Variants in PFN1 observed in about 807,000 individuals in gnomAD.
PFN1 encodes the protein profilin-1.
Under a neutral mutation model 11.7 loss-of-function variants are expected in PFN1, and 2 were observed. That is an observed-to-expected ratio of 0.17 (90% confidence interval 0.07 to 0.54). PFN1 has a LOEUF of 0.54. Ranked by LOEUF, PFN1 falls within the 20% of genes least tolerant of loss-of-function variation. PFN1 has a pLI of 0.94. For synonymous variants in PFN1, 78 were observed against 76.2 expected (o/e 1.02, Z -0.12); for missense variants, 97 against 188.4 (o/e 0.51, Z 2.84).
rs1287919414 is a variant in PFN1 at position 4,948,520 on chromosome 17, C to G, written c.-126G>C. 1 of 1,100,064 alleles carries G rather than the reference C, an allele frequency of 9.1e-7. No individual in the cohort carries two copies. Among genetic ancestry groups the G allele is most frequent in the African/African-American group, 1.7e-5 (1 of 59,734 alleles). The allele number at this position is 1,100,064 out of a possible 1,614,324, so 68.1% of individuals were successfully genotyped here. A position where few individuals can be genotyped will look rare whatever the true frequency, so the allele number is the denominator to read the frequency against. Reference sequence around the variant, plus strand: ...ACGCGCTGCCGTCCGGACCGCGGCTCCGCTCGCTGTGCAGCAGCCCTCGCA... The same window carrying G: ...ACGCGCTGCCGTCCGGACCGCGGCTGCGCTCGCTGTGCAGCAGCCCTCGCA... On this transcript the variant is annotated 5_prime_UTR_variant, in exon 1 of 3. Coordinates refer to ENST00000225655, the MANE Select transcript of PFN1 (RefSeq NM_005022.4).
rs1971367192 is a variant in PFN1 at position 4,945,694 on chromosome 17, A to G, written c.*206T>C. 4.2e-6 allele frequency: 2 copies of G among 474,624 alleles called. No homozygotes were observed. Among genetic ancestry groups the G allele is most frequent in the South Asian group, 3.7e-5 (1 of 27,026 alleles). The allele number at this position is 474,624 out of a possible 1,614,324, so 29.4% of individuals were successfully genotyped here. On this transcript the variant is annotated 3_prime_UTR_variant, in exon 3 of 3. Coordinates refer to ENST00000225655, the MANE Select transcript of PFN1 (RefSeq NM_005022.4). Reference sequence around the variant, plus strand: ...TTTATTCAGAAAAAAAAAACCCCAAAAAACAAAAGTTTTCCAACCACACAC... The same window carrying G: ...TTTATTCAGAAAAAAAAAACCCCAAGAAACAAAAGTTTTCCAACCACACAC...
At chr17:4,948,111 C>T (rs1971446300) in intron 1 of PFN1, 152 bp downstream of exon 1, 1 of 870,834 alleles carries the variant, frequency 1.1e-6, no homozygotes, top group African/African-American at 1.8e-5. Context: ...GAGGGACCCA[C>T]TCACGTGCAG....
chr17:4,948,191 CG>C (rs1056021456), intron 1 of PFN1, 71 bp downstream of exon 1: 2 of 1,490,014 alleles, frequency 1.3e-6, no homozygotes, highest in Non-Finnish European at 1.8e-6. Context: ...AGACCGCGCC[CG>C]CCCCCACCCA....
chr17:4,948,239 C>G, intron 1 of PFN1, 24 bp downstream of exon 1: 1 of 1,588,888 alleles, frequency 6.3e-7, no homozygotes, highest in Non-Finnish European at 8.6e-7. Context: ...AGCAGTGCCC[C>G]GGACCGCGCA....
rs946577942 is a variant in PFN1 at position 4,948,438 on chromosome 17, C to T, written c.-44G>A. The T allele has an allele frequency of 1.3e-6, 2 of 1,557,606 alleles. No homozygotes were observed. The highest frequency in any genetic ancestry group is 1.8e-5 in the Admixed American group (1 of 54,738). On this transcript the variant is annotated 5_prime_UTR_variant, in exon 1 of 3. Coordinates refer to ENST00000225655, the MANE Select transcript of PFN1 (RefSeq NM_005022.4). The stretch of plus-strand genomic sequence containing the variant: ...GCTCTCGGCGCTGCTGCTGGGGCCG[C>T]GGACTGGGCTCGAGCTGCCTCGGCT...
Position 4,946,757 on chromosome 17 carries a change from G to A in PFN1, c.196C>T (p.Leu66Phe), listed in dbSNP as rs764145549. The change falls in exon 2 of 3, where the codon CTT becomes TTT. Residue 66 changes from leucine (L) to phenylalanine (F), a missense_variant. Leu to Phe is a conservative substitution (Grantham distance 22). Coordinates refer to ENST00000225655, the MANE Select transcript of PFN1 (RefSeq NM_005022.4). ...RSSFYVNGLTLGGQKCSVIRD... is the reference protein window; with the variant it reads ...RSSFYVNGLTFGGQKCSVIRD... ...ATCACCGAACATTTCTGGCCCCCAA[G>A]TGTCAGCCCATTCACGTAAAAACTT... The A allele has an allele frequency of 6.2e-7, 1 of 1,614,098 alleles. No individual in the cohort carries two copies. Among genetic ancestry groups the A allele is most frequent in the Non-Finnish European group, 8.5e-7 (1 of 1,179,984 alleles).
chr17:4,946,450 G>A (rs1380421302), intron 2 of PFN1, among the ~76,000 whole-genome samples, 178 bp downstream of exon 2: 2 of 152,130 alleles, frequency 1.3e-5, no homozygotes, highest in East Asian at 3.8e-4. Flanking sequence ...ACAAGATGAG[G>A]AACTGAGACA....
At position 4,948,501 on chromosome 17, in the gene PFN1, T is replaced by C. The variant is rs1275689589; in HGVS notation, c.-107A>G. ...GAGGCGGAGAGCTCGGGGCACGCGC[T>C]GCCGTCCGGACCGCGGCTCCGCTCG... On this transcript the variant is annotated 5_prime_UTR_variant, in exon 1 of 3. Coordinates refer to ENST00000225655, the MANE Select transcript of PFN1 (RefSeq NM_005022.4). 7.8e-6 allele frequency: 10 copies of C among 1,288,058 alleles called. No individual in the cohort carries two copies. Among genetic ancestry groups the C allele is most frequent in the Non-Finnish European group, 1.0e-5 (10 of 986,654 alleles). The allele number at this position is 1,288,058 out of a possible 1,614,324, so 79.8% of individuals were successfully genotyped here.
intron 1 of PFN1, chr17:4,947,038 G>T (rs1290281852): frequency 4.4e-6 from 2 of 458,850 alleles, no homozygotes; most frequent in African/African-American, 2.0e-5. Context: ...TTAGAATATG[G>T]AACCAGGGAG....
chr17:4,948,110 A>T, intron 1 of PFN1, 153 bp downstream of exon 1: 2 of 834,074 alleles, frequency 2.4e-6, no homozygotes, highest in South Asian at 2.0e-5. Context: ...TGAGGGACCC[A>T]CTCACGTGCA....
In PFN1 at chr17:4,948,447, C is replaced by A. The variant is rs760599883; in HGVS notation, c.-53G>T. 102 of 1,519,654 alleles carry A rather than the reference C, an allele frequency of 6.7e-5. No homozygotes were observed. The Middle Eastern group carries it at 2.1e-3, about 31-fold the overall frequency. The allele number at this position is 1,519,654 out of a possible 1,614,324, so 94.1% of individuals were successfully genotyped here. ...GCTGCTGCTGGGGCCGCGGACTGGG[C>A]TCGAGCTGCCTCGGCTGGCGGGCGG... On this transcript the variant is annotated 5_prime_UTR_variant, in exon 1 of 3. Transcript: ENST00000225655.
intron 1 of PFN1, 117 bp downstream of exon 1, chr17:4,948,146 C>G (rs1971447762): frequency 8.1e-7 from 1 of 1,242,226 alleles, no homozygotes; most frequent in Non-Finnish European, 1.1e-6. Flanking sequence ...GCTTCCAGGG[C>G]AAGCACCCAG....
chr17:4,948,181 A>C, intron 1 of PFN1, 82 bp downstream of exon 1: 1 of 1,473,600 alleles, frequency 6.8e-7, no homozygotes, highest in Non-Finnish European at 9.0e-7. Flanking sequence ...TGCGCGCCCT[A>C]GACCGCGCCC....
rs529161805 is a variant in PFN1 at position 4,945,713 on chromosome 17, C to T, written c.*187G>A. 1.7e-5 allele frequency: 8 copies of T among 475,974 alleles called. No individual in the cohort carries two copies. The highest frequency in any genetic ancestry group is 1.4e-4 in the African/African-American group (7 of 50,432). 29.5% of individuals were successfully genotyped at this position (475,974 alleles called of 1,614,324 possible). ...CCCCAAAAAACAAAAGTTTTCCAACCACACACGGGAGGGATATGGGTAGGG... is the reference window on the plus strand; with the variant it reads ...CCCCAAAAAACAAAAGTTTTCCAACTACACACGGGAGGGATATGGGTAGGG... On this transcript the variant is annotated 3_prime_UTR_variant, in exon 3 of 3. Transcript: ENST00000225655.
chr17:4,947,071 G>A (rs1221751442), intron 1 of PFN1: 2 of 369,268 alleles, frequency 5.4e-6, no homozygotes, highest in African/African-American at 4.2e-5. Flanking sequence ...TACTCCTCTA[G>A]AGATTTAGAT....
Position 4,946,841 on chromosome 17 carries a change from C to G in PFN1, c.133-21G>C. Reference sequence around the variant, plus strand: ...GCTGGCTGGAAGAGGAACCAAGCGCCCATCAAGTTAGTCAGTGCACCAAGA... The same window carrying G: ...GCTGGCTGGAAGAGGAACCAAGCGCGCATCAAGTTAGTCAGTGCACCAAGA... On this transcript the variant is annotated intron_variant, in intron 1 of 2. Coordinates refer to ENST00000225655, the MANE Select transcript of PFN1 (RefSeq NM_005022.4). 3 of 1,599,572 alleles carry G rather than the reference C, an allele frequency of 1.9e-6. No homozygotes were observed. In the South Asian group the frequency reaches 3.4e-5, roughly 18 times the overall value.
chr17:4,945,822 T>C lies in PFN1; in HGVS notation c.*78A>G, dbSNP rs1971372785. On this transcript the variant is annotated 3_prime_UTR_variant, in exon 3 of 3. Coordinates refer to ENST00000225655, the MANE Select transcript of PFN1 (RefSeq NM_005022.4). ...GGGTATGGGGTAATGGCCCAAAAAA[T>C]AAAATGGTTTGTGTGTGTATGGGGA... is the stretch of plus-strand genomic sequence containing the variant. 2.0e-6 allele frequency: 2 copies of C among 1,008,008 alleles called. No individual in the cohort carries two copies. Among genetic ancestry groups the C allele is most frequent in the Non-Finnish European group, 3.1e-6 (2 of 635,998 alleles). The allele number at this position is 1,008,008 out of a possible 1,614,324, so 62.4% of individuals were successfully genotyped here.
chr17:4,946,120 C>A (rs1452970776), intron 2 of PFN1, 123 bp from the exon 3 acceptor site: 2 of 659,998 alleles, frequency 3.0e-6, no homozygotes, highest in Non-Finnish European at 5.5e-6. Flanking sequence ...CCCAACCCGC[C>A]CCCCCACCAC....
intron 1 of PFN1, chr17:4,947,360 GA>G (rs965074617): frequency 6.6e-6 from 1 of 152,266 alleles, no homozygotes. Flanking sequence ...GGCTTTCCGG[GA>G]AAGTTGGAAA....
Sources: allele counts gnomAD v4.1 joint callset (sites outside exome capture counted in the v4.1 genomes callset), GRCh38; gene constraint gnomAD v4.1.1; transcripts MANE v1.5; gene names NCBI Gene and HGNC (gene_info 2026-07-23, HGNC 2026-07-21).